FBN1: variants seen among roughly 807,000 people sequenced by gnomAD.
The protein encoded by FBN1 is fibrillin 1, also known as fibrillin-1.
FBN1 carries 29 observed loss-of-function variants against 365.1 expected under a neutral mutation model. The observed-to-expected ratio is 0.08, with a 90% CI of 0.06 to 0.11. FBN1 has a LOEUF of 0.11. FBN1 is among the 10% of genes least tolerant of loss of function. The pLI is 1.00. For synonymous variants in FBN1, 1,210 were observed against 1,270.5 expected (o/e 0.95, Z 1.01); for missense variants, 2,476 against 3,703.2 (o/e 0.67, Z 8.60).
intron 2 of FBN1, among the ~76,000 whole-genome samples, chr15:48,630,341 G>C (rs1447567218): frequency 6.6e-6 from 1 of 152,154 alleles, no homozygotes; most frequent in Non-Finnish European, 1.5e-5. Context: ...AATGGAGGGA[G>C]GAAATCATTT....
chr15:48,425,505 A>T lies in FBN1; in HGVS notation c.7331-14T>A. The stretch of plus-strand genomic sequence containing the variant: ...ACTCGTTCAGATCTATGATCAAAGA[A>T]ATACAGCGTGACTGTGCATCTAAAA... On this transcript the variant is annotated splice_polypyrimidine_tract_variant and intron_variant, in intron 59 of 65. Coordinates refer to ENST00000316623, the MANE Select transcript of FBN1 (RefSeq NM_000138.5). 6.2e-7 allele frequency: 1 copy of T among 1,613,970 alleles called. No individual in the cohort carries two copies.
chr15:48,516,094 T>G lies in FBN1; in HGVS notation c.1327+89A>C. On this transcript the variant is annotated intron_variant, in intron 11 of 65. Coordinates refer to ENST00000316623, the MANE Select transcript of FBN1 (RefSeq NM_000138.5). Reference sequence around the variant, plus strand: ...TTAATATAACAATTTACAAACTTATTTAATGACTAAAGTAGCATAAATAAA... The same window carrying G: ...TTAATATAACAATTTACAAACTTATGTAATGACTAAAGTAGCATAAATAAA... 2.4e-6 allele frequency: 3 copies of G among 1,272,660 alleles called. No homozygotes were observed. In the South Asian group the frequency reaches 3.8e-5, roughly 16 times the overall value. 78.8% of individuals were successfully genotyped at this position (1,272,660 alleles called of 1,614,324 possible). A position where few individuals can be genotyped will look rare whatever the true frequency, so the allele number is the denominator to read the frequency against.
chr15:48,635,118 G>A (rs1261610568), intron 2 of FBN1, among the ~76,000 whole-genome samples: 1 of 152,136 alleles, frequency 6.6e-6, no homozygotes, highest in Admixed American at 6.5e-5. Context: ...TGATGGTCTA[G>A]GAATTCATAA....
chr15:48,422,939 A>C (rs534544790), intron 60 of FBN1, among the ~76,000 whole-genome samples: 49 of 150,652 alleles, frequency 3.3e-4, no homozygotes, highest in Middle Eastern at 3.4e-3. Context: ...AACAAAAACA[A>C]AAACAAAAAC....
Position 48,427,654 on chromosome 15 carries a change from G to C in FBN1, c.7117C>G (p.Pro2373Ala). The stretch of plus-strand genomic sequence containing the variant: ...TGGAAAGGGCAGATCTCACAGTGGG[G>C]ACCCCAGCCTCTCCCTCCGTCACAG... ...CCCDGGRGWGPHCEICPFQGT... is the reference protein window; with the variant it reads ...CCCDGGRGWGAHCEICPFQGT... Residue 2373 changes from proline (P) to alanine (A), a missense_variant, in exon 58 of 66, where the codon CCC becomes GCC. By Grantham distance (27) the Pro-to-Ala change is conservative (BLOSUM62 -1). Around this residue, in one of 5 missense-constraint regions of FBN1, gnomAD observed 1,780 missense variants for 2,840.8 expected, o/e 0.63. Coordinates refer to ENST00000316623, the MANE Select transcript of FBN1 (RefSeq NM_000138.5). 2 of 1,614,160 alleles carry C rather than the reference G, an allele frequency of 1.2e-6. No individual in the cohort carries two copies. Among genetic ancestry groups the C allele is most frequent in the South Asian group, 1.1e-5 (1 of 91,084 alleles).
Position 48,487,075 on chromosome 15 carries a change from C to G in FBN1, c.3589G>C (p.Asp1197His), listed in dbSNP as rs397515793. Reference protein sequence around the residue: ...HSTPDRLFCVDIDECSIMNGG... With the variant: ...HSTPDRLFCVHIDECSIMNGG... ...TAAAATAAAATAAAAAAGAACTTAC[C>G]AACACAAAATAGCCTATCGGGAGTT... Residue 1197 changes from aspartate (D) to histidine (H), a missense_variant and splice_region_variant, in exon 29 of 66, where the codon GAC becomes CAC. Asp to His is a moderately conservative substitution (Grantham distance 81). Around this residue, in one of 5 missense-constraint regions of FBN1, gnomAD observed 1,780 missense variants for 2,840.8 expected, o/e 0.63. Transcript: ENST00000316623. 1 of 1,575,024 alleles carries G rather than the reference C, an allele frequency of 6.3e-7. No individual in the cohort carries two copies. The highest frequency in any genetic ancestry group is 8.6e-7 in the Non-Finnish European group (1 of 1,161,676).
intron 46 of FBN1, 90 bp from the exon 47 acceptor site, chr15:48,446,912 A>G: frequency 1.2e-6 from 1 of 832,292 alleles, no homozygotes; most frequent in Middle Eastern, 2.5e-4. Context: ...TTTAGGGTTC[A>G]CCAGGCCTCA....
At chr15:48,463,863 A>C (rs1011214769) in intron 41 of FBN1, 36 bp downstream of exon 41, 1 of 1,581,374 alleles carries the variant, frequency 6.3e-7, no homozygotes, top group East Asian at 2.3e-5. Context: ...GTAGATGAGA[A>C]CCAAACATGC....
chr15:48,589,424 G>C (rs1268524136), intron 6 of FBN1, among the ~76,000 whole-genome samples: 1 of 152,052 alleles, frequency 6.6e-6, no homozygotes, highest in Non-Finnish European at 1.5e-5. Flanking sequence ...TGTGCCCTCA[G>C]TGTATACAGT....
At chr15:48,512,873 T>G (rs2141326794) in intron 13 of FBN1, among the ~76,000 whole-genome samples, 1 of 152,314 alleles carries the variant, frequency 6.6e-6, no homozygotes, top group Middle Eastern at 3.4e-3. Context: ...GATCATTGTA[T>G]CTTATTTATT....
intron 15 of FBN1, among the ~76,000 whole-genome samples, chr15:48,507,933 A>G (rs1182893310): frequency 6.6e-6 from 1 of 152,210 alleles, no homozygotes; most frequent in African/African-American, 2.4e-5. Context: ...CCCAATTCTC[A>G]ACAGCAAAAA....
intron 50 of FBN1, 54 bp downstream of exon 50, chr15:48,441,667 C>A: frequency 6.2e-7 from 1 of 1,609,828 alleles, no homozygotes. Context: ...AAAAATAAGA[C>A]CACCACAAAT....
chr15:48,508,499 G>C, intron 15 of FBN1, 83 bp downstream of exon 15: 1 of 1,581,664 alleles, frequency 6.3e-7, no homozygotes, highest in South Asian at 1.1e-5. Flanking sequence ...GGGAGAATCA[G>C]TAAAGAAAGG....
chr15:48,509,707 C>T lies in FBN1; in HGVS notation c.1714+337G>A, dbSNP rs1052217600. ...ACACTTTAAACAAAAAGATTATAAA[C>T]GGCTAGATAATACACAGACTTAGGT... On this transcript the variant is annotated intron_variant, in intron 14 of 65. Coordinates refer to ENST00000316623, the MANE Select transcript of FBN1 (RefSeq NM_000138.5). Among the ~76,000 whole-genome samples the T allele has an allele frequency of 5.9e-5, 9 of 151,444 alleles. No individual in the cohort carries two copies. The South Asian group carries it at 1.5e-3, about 24-fold the overall frequency.
At chr15:48,529,321 A>G (rs1463415691) in intron 8 of FBN1, 1 of 152,372 alleles carries the variant, frequency 6.6e-6, no homozygotes, top group African/African-American at 2.4e-5. Context: ...AAGAGTCACA[A>G]ATGGCAGATC....
At chr15:48,452,530 T>C (rs1332767888) in intron 45 of FBN1, 32 bp downstream of exon 45, 2 of 1,613,552 alleles carry the variant, frequency 1.2e-6, no homozygotes, top group African/African-American at 2.7e-5. Flanking sequence ...AACTCTTGGG[T>C]AGGCATGTCC....
At chr15:48,577,591 T>C (rs929919083) in intron 6 of FBN1, among the ~76,000 whole-genome samples, 1 of 152,188 alleles carries the variant, frequency 6.6e-6, no homozygotes, top group Non-Finnish European at 1.5e-5. Context: ...ACAATAAGAA[T>C]GCAATCAGAA....
Position 48,410,976 on chromosome 15 carries a change from C to T in FBN1, c.*14G>A, listed in dbSNP as rs1178440942. The T allele has an allele frequency of 1.2e-5, 20 of 1,611,226 alleles. 1 individual carries two copies. On this transcript the variant is annotated 3_prime_UTR_variant, in exon 66 of 66. Coordinates refer to ENST00000316623, the MANE Select transcript of FBN1 (RefSeq NM_000138.5). ...TTTGTTTTTCTTTTAATTATTTGGT[C>T]TCTGGATGGTGAATTAATGAAGCAA... is the stretch of plus-strand genomic sequence containing the variant.
chr15:48,431,102 A>G (rs2043020001), intron 55 of FBN1, among the ~76,000 whole-genome samples: 1 of 150,376 alleles, frequency 6.6e-6, no homozygotes, highest in African/African-American at 2.5e-5. Flanking sequence ...TTTTATTTTT[A>G]TTTATTTATG....
Sources: gnomAD v4.1 joint callset for allele counts (sites outside exome capture counted in the v4.1 genomes callset) on GRCh38, gnomAD v4.1.1 for gene constraint, gnomAD v4.1.1 regional missense constraint, MANE v1.5 for transcripts, NCBI Gene and HGNC (gene_info 2026-07-23, HGNC 2026-07-21) for gene names.